The following PXDNL variants were observed in gnomAD, a reference collection of about 807,000 sequenced individuals.
The protein encoded by PXDNL is peroxidasin like, also known as probable oxidoreductase PXDNL.
PXDNL carries 145 observed loss-of-function variants against 150.8 expected under a neutral mutation model. The ratio of observed to expected loss-of-function variants is 0.96; its 90% CI spans 0.84 to 1.10. PXDNL has a LOEUF of 1.10. Ranked by LOEUF, PXDNL falls within the 50% of genes least tolerant of loss-of-function variation. The pLI is 0.00. For missense variants in PXDNL, 2,087 were observed against 1,873.9 expected, an observed-to-expected ratio of 1.11 and a Z score of -2.10; for synonymous variants, 757 against 725.7, an observed-to-expected ratio of 1.04 and a Z score of -0.69.
chr8:51,702,674 T>C (rs1306716494), intron 1 of PXDNL, among the ~76,000 whole-genome samples: 1 of 152,196 alleles, frequency 6.6e-6, no homozygotes, highest in Non-Finnish European at 1.5e-5. Flanking sequence ...TAACAGTACC[T>C]ATGGCATTCC....
intron 19 of PXDNL, among the ~76,000 whole-genome samples, chr8:51,365,215 G>A (rs1052515215): frequency 3.9e-5 from 6 of 152,208 alleles, no homozygotes; most frequent in African/African-American, 1.4e-4. Context: ...TGGGATTACA[G>A]GCTTGAGCCA....
chr8:51,799,822 A>C (rs1161433172), intron 1 of PXDNL, among the ~76,000 whole-genome samples: 1 of 152,192 alleles, frequency 6.6e-6, no homozygotes, highest in Non-Finnish European at 1.5e-5. Context: ...CCAACTAGAG[A>C]GATGGAGATC....
intron 1 of PXDNL, among the ~76,000 whole-genome samples, chr8:51,725,693 G>A (rs1816807314): frequency 6.6e-6 from 1 of 152,196 alleles, no homozygotes; most frequent in South Asian, 2.1e-4. Context: ...TGAATTATAA[G>A]TCCTGGGACA....
chr8:51,626,750 T>C (rs1487982159), intron 2 of PXDNL, among the ~76,000 whole-genome samples: 1 of 152,182 alleles, frequency 6.6e-6, no homozygotes, highest in East Asian at 1.9e-4. Context: ...ATATTTAATT[T>C]AAATACCCAA....
chr8:51,544,891 T>C (rs1362149126), intron 4 of PXDNL, among the ~76,000 whole-genome samples: 1 of 148,490 alleles, frequency 6.7e-6, no homozygotes, highest in African/African-American at 2.6e-5. Flanking sequence ...ATAAGAAACA[T>C]TAAAATAAAG....
chr8:51,388,664 C>T (rs1448778709), intron 17 of PXDNL, among the ~76,000 whole-genome samples: 2 of 152,200 alleles, frequency 1.3e-5, no homozygotes, highest in Non-Finnish European at 2.9e-5. Context: ...CTCTCTCTCT[C>T]ATTCCTGTTT....
intron 1 of PXDNL, among the ~76,000 whole-genome samples, chr8:51,692,284 G>A (rs1033227565): frequency 1.1e-4 from 17 of 151,988 alleles, no homozygotes; most frequent in African/African-American, 3.9e-4. Flanking sequence ...CTCTTTCCAA[G>A]AAACACAAAA....
chr8:51,486,709 C>A (rs1209545303), intron 5 of PXDNL, among the ~76,000 whole-genome samples: 2 of 132,058 alleles, frequency 1.5e-5, no homozygotes, highest in African/African-American at 2.8e-5. Context: ...GCTTTACTCC[C>A]AACAAGAAGC....
At chr8:51,381,810 G>A (rs1240466456) in intron 17 of PXDNL, among the ~76,000 whole-genome samples, 4 of 149,630 alleles carry the variant, frequency 2.7e-5, no homozygotes, top group Non-Finnish European at 5.9e-5. Flanking sequence ...CCGTCCCCAC[G>A]CCCAGCTAAT....
intron 2 of PXDNL, among the ~76,000 whole-genome samples, chr8:51,651,208 T>C (rs770773570): frequency 2.5e-4 from 38 of 152,348 alleles, no homozygotes; most frequent in Non-Finnish European, 4.3e-4. Flanking sequence ...TGTATCTATA[T>C]AGCTTACCTA....
intron 1 of PXDNL, among the ~76,000 whole-genome samples, chr8:51,808,486 G>A (rs1369905089): frequency 6.6e-6 from 1 of 152,056 alleles, no homozygotes; most frequent in African/African-American, 2.4e-5. Flanking sequence ...AAATCTAAAT[G>A]TTTGGGTTTA....
At chr8:51,620,446 A>G (rs1345092158) in intron 2 of PXDNL, among the ~76,000 whole-genome samples, 3 of 152,074 alleles carry the variant, frequency 2.0e-5, no homozygotes, top group African/African-American at 7.2e-5. Context: ...TTTCTTGCCT[A>G]TTACTGTTTT....
intron 21 of PXDNL, chr8:51,321,252 TA>T (rs545060214): frequency 3.9e-4 from 65 of 168,726 alleles, no homozygotes; most frequent in African/African-American, 1.5e-3. Flanking sequence ...GTATTTTATT[TA>T]TTTTTTGTCC....
intron 1 of PXDNL, among the ~76,000 whole-genome samples, chr8:51,797,089 T>C (rs941567920): frequency 2.0e-5 from 3 of 152,174 alleles, no homozygotes; most frequent in Non-Finnish European, 4.4e-5. Context: ...ATTATCTCAA[T>C]AGACACAGAA....
At chr8:51,348,076 A>G (rs1806216163) in intron 19 of PXDNL, among the ~76,000 whole-genome samples, 1 of 152,156 alleles carries the variant, frequency 6.6e-6, no homozygotes, top group Admixed American at 6.5e-5. Flanking sequence ...GAGAAAATAA[A>G]AGTGGATAAG....
At chr8:51,434,603 G>T (rs1176631316) in intron 12 of PXDNL, among the ~76,000 whole-genome samples, 1 of 152,100 alleles carries the variant, frequency 6.6e-6, no homozygotes, top group African/African-American at 2.4e-5. Flanking sequence ...TGTAACAAAT[G>T]GTTCCAGAAT....
chr8:51,772,898 G>T (rs2037314177), intron 1 of PXDNL, among the ~76,000 whole-genome samples: 1 of 152,208 alleles, frequency 6.6e-6, no homozygotes. Context: ...AAAGGCAAAA[G>T]CAAGACAACT....
At chr8:51,792,197 T>C (rs891482402) in intron 1 of PXDNL, among the ~76,000 whole-genome samples, 1 of 147,894 alleles carries the variant, frequency 6.8e-6, no homozygotes, top group African/African-American at 2.5e-5. Flanking sequence ...AGAATGAAAA[T>C]GGCGAGTGAA....
intron 19 of PXDNL, among the ~76,000 whole-genome samples, chr8:51,361,489 T>C (rs1400926568): frequency 6.6e-6 from 1 of 152,208 alleles, no homozygotes; most frequent in African/African-American, 2.4e-5. Flanking sequence ...AGGAGATCCT[T>C]AGTTTCTAAA....
Sources: gnomAD v4.1 joint callset for allele counts (sites outside exome capture counted in the v4.1 genomes callset) on GRCh38, gnomAD v4.1.1 for gene constraint, MANE v1.5 for transcripts, NCBI Gene and HGNC (gene_info 2026-07-23, HGNC 2026-07-21) for gene names.